Variants in NALCN observed in about 807,000 individuals in gnomAD.
NALCN encodes the protein sodium leak channel NALCN.
A neutral mutation model predicts 225.3 loss-of-function variants in NALCN; 111 were observed. The ratio of observed to expected loss-of-function variants is 0.49; its 90% CI spans 0.42 to 0.58. The LOEUF is 0.58. Among genes scored for constraint, NALCN ranks in the 20% least tolerant of loss-of-function variants. The pLI, the probability that NALCN is intolerant of heterozygous loss-of-function variation, is 0.00. For missense variants in NALCN, 1,378 were observed against 2,202.4 expected (o/e 0.63, Z 7.49); for synonymous variants, 764 against 769.0 (o/e 0.99, Z 0.11).
chr13:101,413,689 C>T (rs2047851567), intron 1 of NALCN, among the ~76,000 whole-genome samples: 1 of 152,124 alleles, frequency 6.6e-6, no homozygotes, highest in East Asian at 1.9e-4. Flanking sequence ...TAGCTGTTTA[C>T]TCTTTTTTCT....
intron 7 of NALCN, among the ~76,000 whole-genome samples, chr13:101,297,537 G>A (rs1441752823): frequency 2.0e-5 from 3 of 152,192 alleles, no homozygotes. Flanking sequence ...TTCTGAGACA[G>A]CTCCTTACCA....
Position 101,343,151 on chromosome 13 carries a change from T to G in NALCN, c.799+2115A>C, listed in dbSNP as rs550013408. On this transcript the variant is annotated intron_variant, in intron 7 of 43. Coordinates refer to ENST00000251127, the MANE Select transcript of NALCN (RefSeq NM_052867.4). The stretch of plus-strand genomic sequence containing the variant: ...TCATTTTGGGCAAAAAATTGTCTTT[T>G]GTTTCCATAAGAACTTTTAAATATA... Among the ~76,000 whole-genome samples, 3 of 152,316 alleles carry G rather than the reference T, an allele frequency of 2.0e-5. No homozygotes were observed. In the South Asian group the frequency reaches 6.2e-4, roughly 32 times the overall value.
intron 6 of NALCN, among the ~76,000 whole-genome samples, chr13:101,356,952 T>C (rs2046081082): frequency 6.6e-6 from 1 of 152,120 alleles, no homozygotes; most frequent in Admixed American, 6.5e-5. Context: ...TGATTCTCAA[T>C]AGATGCAGAA....
intron 10 of NALCN, among the ~76,000 whole-genome samples, chr13:101,274,186 T>C (rs941898194): frequency 5.3e-5 from 8 of 152,214 alleles, no homozygotes; most frequent in Non-Finnish European, 1.0e-4. Flanking sequence ...CTATATATGT[T>C]AGAACACCTC....
chr13:101,248,911 TATG>T (rs773425441), intron 11 of NALCN, among the ~76,000 whole-genome samples: 1 of 152,144 alleles, frequency 6.6e-6, no homozygotes, highest in East Asian at 1.9e-4. Flanking sequence ...TGATATGTCA[TATG>T]ATATGTCATA....
chr13:101,351,728 G>A (rs543011918), intron 6 of NALCN, among the ~76,000 whole-genome samples: 69 of 152,220 alleles, frequency 4.5e-4, no homozygotes, highest in Non-Finnish European at 8.8e-4. Flanking sequence ...ACCTCATAAC[G>A]CTTTCATATA....
intron 14 of NALCN, among the ~76,000 whole-genome samples, chr13:101,181,879 A>T (rs534803271): frequency 3.3e-5 from 5 of 152,194 alleles, no homozygotes; most frequent in Non-Finnish European, 7.3e-5. Context: ...CACGCCTGTA[A>T]TCCCAGCACT....
chr13:101,416,997 CA>C (rs1157715028), upstream of NALCN, among the ~76,000 whole-genome samples: 1 of 152,170 alleles, frequency 6.6e-6, no homozygotes, highest in Non-Finnish European at 1.5e-5. Flanking sequence ...GCATCAGTCA[CA>C]CTTATAGTTT....
At chr13:101,305,775 C>A (rs548514624) in intron 7 of NALCN, among the ~76,000 whole-genome samples, 1 of 152,166 alleles carries the variant, frequency 6.6e-6, no homozygotes, top group Non-Finnish European at 1.5e-5. Flanking sequence ...AGTTGTTTAT[C>A]CTTTTTGTCC....
intron 1 of NALCN, among the ~76,000 whole-genome samples, chr13:101,410,459 G>A (rs1195750935): frequency 6.6e-6 from 1 of 152,062 alleles, no homozygotes; most frequent in East Asian, 1.9e-4. Flanking sequence ...ATAATTGTAT[G>A]TATATACAGT....
At chr13:101,075,819 C>G (rs906611811) in intron 35 of NALCN, 54 bp downstream of exon 35, 2 of 1,453,962 alleles carry the variant, frequency 1.4e-6, no homozygotes. Flanking sequence ...AATCACCATT[C>G]TTTCATTAAC....
chr13:101,280,696 C>T (rs1247642268), intron 10 of NALCN, among the ~76,000 whole-genome samples: 1 of 152,058 alleles, frequency 6.6e-6, no homozygotes, highest in Non-Finnish European at 1.5e-5. Flanking sequence ...AAGCATGGGG[C>T]TAGGAGCCAT....
At chr13:101,372,965 A>C (rs2046583309) in intron 6 of NALCN, 1 of 234,540 alleles carries the variant, frequency 4.3e-6, no homozygotes, top group Admixed American at 5.7e-5. Context: ...ACAAATTATC[A>C]ATGTCAGGAA....
At chr13:101,159,931 T>C (rs986690747) in intron 15 of NALCN, among the ~76,000 whole-genome samples, 1 of 150,580 alleles carries the variant, frequency 6.6e-6, no homozygotes, top group East Asian at 2.0e-4. Flanking sequence ...AGGTTTTTTT[T>C]GTTTTTTGTT....
Position 101,124,604 on chromosome 13 carries a change from T to A in NALCN, c.2192+4A>T. The A allele has an allele frequency of 6.2e-7, 1 of 1,612,480 alleles. No homozygotes were observed. Among genetic ancestry groups the A allele is most frequent in the Non-Finnish European group, 8.5e-7 (1 of 1,178,918 alleles). Reference sequence around the variant, plus strand: ...AAATATGTGTCAACATTAATTGGTGTTACCTTAAGATTTTAGTGACTGCGG... The same window carrying A: ...AAATATGTGTCAACATTAATTGGTGATACCTTAAGATTTTAGTGACTGCGG... On this transcript the variant is annotated splice_donor_region_variant and intron_variant, in intron 18 of 43. Coordinates refer to ENST00000251127, the MANE Select transcript of NALCN (RefSeq NM_052867.4).
intron 15 of NALCN, among the ~76,000 whole-genome samples, chr13:101,147,352 C>CT (rs2037399033): frequency 7.1e-6 from 1 of 140,664 alleles, no homozygotes; most frequent in African/African-American, 2.7e-5. Flanking sequence ...TCCTCTCTCT[C>CT]TCTTTTTTTT....
Position 101,354,987 on chromosome 13 carries a change from A to T in NALCN, c.645-9567T>A, listed in dbSNP as rs1359567639. ...GAACCCTCATGAATGGCTTGAGCCAACTCCTAGGTGATCAATGAGCTCCTG... is the reference window on the plus strand; with the variant it reads ...GAACCCTCATGAATGGCTTGAGCCATCTCCTAGGTGATCAATGAGCTCCTG... On this transcript the variant is annotated intron_variant, in intron 6 of 43. Coordinates refer to ENST00000251127, the MANE Select transcript of NALCN (RefSeq NM_052867.4). Among the ~76,000 whole-genome samples, 4 of 152,150 alleles carry T rather than the reference A, an allele frequency of 2.6e-5. No homozygotes were observed. In the East Asian group the frequency reaches 7.8e-4, roughly 30 times the overall value.
chr13:101,258,296 G>T, intron 11 of NALCN, 147 bp downstream of exon 11: 1 of 1,221,828 alleles, frequency 8.2e-7, no homozygotes, highest in Non-Finnish European at 1.1e-6. Context: ...TGTGACCAGA[G>T]GAACCACTTA....
At chr13:101,169,630 C>A (rs981391314) in intron 15 of NALCN, among the ~76,000 whole-genome samples, 1 of 152,160 alleles carries the variant, frequency 6.6e-6, no homozygotes, top group Non-Finnish European at 1.5e-5. Flanking sequence ...CCTAGATATG[C>A]TTTTCATTAT....
Sources: allele counts gnomAD v4.1 joint callset (sites outside exome capture counted in the v4.1 genomes callset), GRCh38; gene constraint gnomAD v4.1.1; transcripts MANE v1.5; gene names NCBI Gene and HGNC (gene_info 2026-07-23, HGNC 2026-07-21).